The following SAMD3 variants were observed in gnomAD, a reference collection of about 807,000 sequenced individuals.
The protein encoded by SAMD3 is sterile alpha motif domain-containing protein 3.
A neutral mutation model predicts 58.5 loss-of-function variants in SAMD3; 63 were observed. The ratio of observed to expected loss-of-function variants is 1.08; its 90% CI spans 0.88 to 1.33. The LOEUF (loss-of-function observed/expected upper bound fraction) is 1.33. Among genes scored for constraint, SAMD3 ranks in the 40% most tolerant of loss-of-function variants. SAMD3 has a pLI of 0.00. For missense variants in SAMD3, 604 were observed against 608.4 expected, an observed-to-expected ratio of 0.99 and a Z score of 0.08; for synonymous variants, 220 against 210.3, an observed-to-expected ratio of 1.05 and a Z score of -0.40.
intron 2 of SAMD3, among the ~76,000 whole-genome samples, chr6:130,288,311 C>T (rs188132404): frequency 3.6e-4 from 55 of 152,280 alleles, no homozygotes; most frequent in Admixed American, 2.1e-3. Context: ...ATGTTGCAGT[C>T]TCAAGTTTGA....
chr6:130,321,475 ATGTT>A (rs1191807462), intron 1 of SAMD3, among the ~76,000 whole-genome samples: 1 of 152,192 alleles, frequency 6.6e-6, no homozygotes, highest in East Asian at 1.9e-4. Flanking sequence ...GAAGTAATAA[ATGTT>A]TGTTATTTTA....
At chr6:130,226,190 T>A (rs7762494), upstream of SAMD3, among the ~76,000 whole-genome samples, 1 of 152,054 alleles carries the variant, frequency 6.6e-6, no homozygotes, top group Non-Finnish European at 1.5e-5. Context: ...TTGCTGCTGA[T>A]CCCCTGTGTT....
At chr6:130,161,568 C>T (rs1230898442) in intron 8 of SAMD3, 1 of 152,144 alleles carries the variant, frequency 6.6e-6, no homozygotes, top group African/African-American at 2.4e-5. Flanking sequence ...TAAAAAGCTA[C>T]ATCAGAATTT....
At chr6:130,354,195 G>A (rs1583148332) in intron 1 of SAMD3, among the ~76,000 whole-genome samples, 2 of 152,174 alleles carry the variant, frequency 1.3e-5, no homozygotes, top group East Asian at 3.8e-4. Flanking sequence ...TGAGGTTGTA[G>A]AGAAAAAGGA....
intron 5 of SAMD3, among the ~76,000 whole-genome samples, chr6:130,195,474 A>T (rs1296691418): frequency 6.6e-6 from 1 of 152,140 alleles, no homozygotes; most frequent in African/African-American, 2.4e-5. Context: ...TTAGTTCAGG[A>T]TCTGCGCCTT....
At chr6:130,198,581 T>A (rs1794361265) in intron 5 of SAMD3, among the ~76,000 whole-genome samples, 1 of 152,092 alleles carries the variant, frequency 6.6e-6, no homozygotes, top group African/African-American at 2.4e-5. Context: ...AACAGCCCAC[T>A]GATGACAAAG....
At chr6:130,215,358 T>C in intron 2 of SAMD3, 64 bp from the exon 3 acceptor site, 1 of 1,315,760 alleles carries the variant, frequency 7.6e-7, no homozygotes, top group South Asian at 1.6e-5. Context: ...AATTTTTTTT[T>C]TAACAGTCAG....
At chr6:130,350,255 T>C (rs1293862892) in intron 1 of SAMD3, among the ~76,000 whole-genome samples, 2 of 152,178 alleles carry the variant, frequency 1.3e-5, no homozygotes, top group Non-Finnish European at 2.9e-5. Flanking sequence ...TAAAGGGCAT[T>C]CAATTAGGAA....
intron 1 of SAMD3, among the ~76,000 whole-genome samples, chr6:130,362,967 C>T (rs978305897): frequency 6.6e-6 from 1 of 152,120 alleles, no homozygotes; most frequent in Admixed American, 6.5e-5. Context: ...AATATATTTC[C>T]TCTACCTTTT....
intron 2 of SAMD3, among the ~76,000 whole-genome samples, chr6:130,252,607 T>C (rs992627995): frequency 1.3e-5 from 2 of 152,166 alleles, no homozygotes; most frequent in African/African-American, 2.4e-5. Context: ...CAGCTGCTGG[T>C]GTAAAGCTTT....
chr6:130,283,068 G>A (rs2114952945), intron 2 of SAMD3, among the ~76,000 whole-genome samples: 1 of 136,116 alleles, frequency 7.3e-6, no homozygotes, highest in East Asian at 2.5e-4. Context: ...GGAAAAAAAG[G>A]CACTACAAAA....
rs778919427 is a variant in SAMD3 at position 130,338,855 on chromosome 6, G to A, written c.-303-25762C>T. On this transcript the variant is annotated intron_variant, in intron 1 of 13. Transcript: ENST00000368134. ...GATTTTACAGGCTCCTAGGTGGAAG[G>A]GACTTGCCTTGTCTCAGATGAGACT... Among the ~76,000 whole-genome samples the A allele has an allele frequency of 9.9e-5, 15 of 152,264 alleles. No homozygotes were observed. In the East Asian group the frequency reaches 1.2e-3, roughly 12 times the overall value.
At chr6:130,258,289 T>G (rs1485127948) in intron 2 of SAMD3, among the ~76,000 whole-genome samples, 1 of 152,160 alleles carries the variant, frequency 6.6e-6, no homozygotes, top group African/African-American at 2.4e-5. Context: ...AAAGTTGGTT[T>G]CTTGTAGAGA....
intron 4 of SAMD3, among the ~76,000 whole-genome samples, chr6:130,214,058 C>CTAT (rs1297067893): frequency 2.0e-5 from 3 of 152,104 alleles, no homozygotes; most frequent in African/African-American, 7.2e-5. Flanking sequence ...TGTTACATAC[C>CTAT]TATTTCACCT....
chr6:130,365,430 C>T (rs1001686604), upstream of SAMD3: 119 of 985,362 alleles, frequency 1.2e-4, no homozygotes, highest in Non-Finnish European at 1.4e-4. Flanking sequence ...TCTTTTCCGG[C>T]CAGGTTTGGT....
At chr6:130,298,834 T>G (rs991903388) in intron 2 of SAMD3, among the ~76,000 whole-genome samples, 1 of 151,602 alleles carries the variant, frequency 6.6e-6, no homozygotes, top group Non-Finnish European at 1.5e-5. Flanking sequence ...TTACTATTTT[T>G]ATATCAGATA....
chr6:130,188,562 C>T (rs995847069), intron 5 of SAMD3, among the ~76,000 whole-genome samples: 7 of 152,128 alleles, frequency 4.6e-5, no homozygotes, highest in Admixed American at 3.9e-4. Context: ...CATTTATGCT[C>T]CAGGCATGTC....
intron 2 of SAMD3, among the ~76,000 whole-genome samples, chr6:130,251,212 G>A (rs866551453): frequency 6.6e-6 from 1 of 151,484 alleles, no homozygotes; most frequent in African/African-American, 2.4e-5. Flanking sequence ...TGCATCTATG[G>A]GCCATTTGCA....
At chr6:130,318,808 T>G (rs949108308) in intron 1 of SAMD3, among the ~76,000 whole-genome samples, 4 of 152,180 alleles carry the variant, frequency 2.6e-5, no homozygotes, top group African/African-American at 9.7e-5. Context: ...TTAGTTGAAA[T>G]TAGCCCAGAA....
Sources: gnomAD v4.1 joint callset for allele counts (sites outside exome capture counted in the v4.1 genomes callset) on GRCh38, gnomAD v4.1.1 for gene constraint, MANE v1.5 for transcripts, NCBI Gene and HGNC (gene_info 2026-07-23, HGNC 2026-07-21) for gene names.